Variants in DMD observed in about 807,000 individuals in gnomAD.
DMD encodes the protein dystrophin, also known as mutant dystrophin.
A neutral mutation model predicts 330.1 loss-of-function variants in DMD; 63 were observed. That is an observed-to-expected ratio of 0.19 (90% CI 0.16 to 0.24). The LOEUF (loss-of-function observed/expected upper bound fraction) is 0.24, where lower values mean the gene tolerates loss of function less well. DMD is among the 10% of genes least tolerant of loss of function. The pLI is 1.00. For synonymous variants in DMD, 1,223 were observed against 959.8 expected (o/e 1.27, Z -5.07); for missense variants, 3,344 against 2,684.1 (o/e 1.25, Z -5.43).
intron 7 of DMD, among the ~76,000 whole-genome samples, chrX:32,754,315 T>C (rs1370656187): frequency 9.0e-6 from 1 of 110,902 alleles, no homozygotes; most frequent in Non-Finnish European, 1.9e-5. Context: ...GCCACACAGC[T>C]TTTAAGTAAT....
chrX:33,009,486 ATG>A (rs1439149921), intron 2 of DMD, among the ~76,000 whole-genome samples: 1 of 84,311 alleles, frequency 1.2e-5, no homozygotes, highest in Non-Finnish European at 2.3e-5. Flanking sequence ...GTGTATACAC[ATG>A]TGTGTATATG....
chrX:32,072,696 G>T (rs2096309920), intron 44 of DMD, among the ~76,000 whole-genome samples: 1 of 111,654 alleles, frequency 9.0e-6, no homozygotes, highest in African/African-American at 3.3e-5. Context: ...TGGTGTGCCC[G>T]ATATTCTAGT....
At chrX:32,703,692 G>T (rs1014249715) in intron 7 of DMD, among the ~76,000 whole-genome samples, 1 of 111,298 alleles carries the variant, frequency 9.0e-6, no homozygotes, top group African/African-American at 3.3e-5. Context: ...GATCACCTAA[G>T]TATTTGTTAA....
chrX:32,169,610 T>G (rs1372773283), intron 44 of DMD, among the ~76,000 whole-genome samples: 1 of 111,666 alleles, frequency 9.0e-6, no homozygotes, highest in Non-Finnish European at 1.9e-5. Flanking sequence ...GATAAAGAAA[T>G]GCTGAAGGAG....
At chrX:32,229,109 C>T (rs558235447) in intron 43 of DMD, among the ~76,000 whole-genome samples, 12 of 110,016 alleles carry the variant, frequency 1.1e-4, no homozygotes, top group African/African-American at 4.0e-4. Flanking sequence ...TTTTAAGTGT[C>T]ATTTGAATCA....
intron 1 of DMD, among the ~76,000 whole-genome samples, chrX:33,157,957 C>CA (rs1358894116): frequency 9.0e-6 from 1 of 111,042 alleles, no homozygotes; most frequent in African/African-American, 3.3e-5. Flanking sequence ...AACTCCATCT[C>CA]AAAAAAAGAA....
intron 55 of DMD, among the ~76,000 whole-genome samples, chrX:31,557,095 TAA>T (rs1248241082): frequency 1.8e-5 from 2 of 112,051 alleles, no homozygotes; most frequent in African/African-American, 6.5e-5. Context: ...AATAAAAAGC[TAA>T]AGAGGTTTGA....
rs184396263 is a variant in DMD, at chrX:32,430,392, C to G, written c.4071+7849G>C. Among the ~76,000 whole-genome samples the G allele has an allele frequency of 7.0e-3, 785 of 111,526 alleles. 4 individuals carry two copies. Among genetic ancestry groups the G allele is most frequent in the Middle Eastern group, 0.039 (8 of 206 alleles). On this transcript the variant is annotated intron_variant, in intron 29 of 78. Transcript: ENST00000357033. ...ATATCCTTCATATATTACTCCATCT[C>G]CATTTCTCAAAAAAATTATGACATA... is the stretch of plus-strand genomic sequence containing the variant.
Position 33,078,088 on chromosome X carries a change from C to T in DMD, c.32-57888G>A, listed in dbSNP as rs1371810741. On this transcript the variant is annotated intron_variant, in intron 1 of 78. Transcript: ENST00000357033. ...GCCGAGCCCAGCCATGGGTTTGTAC[C>T]CTCAAATACCTATGAGTTGACCAAA... 5.4e-5 allele frequency among the ~76,000 whole-genome samples: 6 copies of T among 111,255 alleles called. No individual in the cohort carries two copies. The Admixed American group carries it at 5.7e-4, about 11-fold the overall frequency.
intron 2 of DMD, among the ~76,000 whole-genome samples, chrX:32,959,107 G>A (rs1302518943): frequency 9.0e-6 from 1 of 111,678 alleles, no homozygotes; most frequent in East Asian, 2.8e-4. Context: ...AAGTATATTA[G>A]GAAGGTAATA....
chrX:32,182,718 CAG>C (rs1014332945), intron 44 of DMD, among the ~76,000 whole-genome samples: 6 of 111,463 alleles, frequency 5.4e-5, no homozygotes, highest in African/African-American at 2.0e-4. Context: ...CATCAGTAAA[CAG>C]AAAAAAACAG....
At chrX:32,923,823 A>C (rs1345483914) in intron 2 of DMD, among the ~76,000 whole-genome samples, 1 of 111,711 alleles carries the variant, frequency 9.0e-6, no homozygotes, top group Non-Finnish European at 1.9e-5. Context: ...GTAACGTCTC[A>C]TTGTAAAATA....
intron 1 of DMD, among the ~76,000 whole-genome samples, chrX:33,199,096 T>C (rs2051122570): frequency 9.0e-6 from 1 of 111,299 alleles, no homozygotes; most frequent in African/African-American, 3.3e-5. Context: ...TTTGTTTTGT[T>C]TGGCTTTCCT....
intron 74 of DMD, among the ~76,000 whole-genome samples, chrX:31,169,048 CCTA>C (rs1169250368): frequency 9.0e-6 from 1 of 111,185 alleles, no homozygotes; most frequent in Non-Finnish European, 1.9e-5. Flanking sequence ...AGCCAATAAC[CCTA>C]CTTTCTTAAA....
At chrX:32,189,381 A>AAAC (rs2096961858) in intron 44 of DMD, among the ~76,000 whole-genome samples, 1 of 110,149 alleles carries the variant, frequency 9.1e-6, no homozygotes, top group Admixed American at 9.7e-5. Flanking sequence ...AAAAAAAAAA[A>AAAC]AAACAACTTT....
rs1297134291 is a variant in DMD, at chrX:32,072,838, C to G, written c.6439-104324G>C. Among the ~76,000 whole-genome samples, 7 of 111,548 alleles carry G rather than the reference C, an allele frequency of 6.3e-5. No homozygotes were observed. In the Admixed American group the frequency reaches 6.7e-4, roughly 11 times the overall value. On this transcript the variant is annotated intron_variant, in intron 44 of 78. Transcript: ENST00000357033. The stretch of plus-strand genomic sequence containing the variant: ...TTCCTTTAACATCTAGTTTTATTTT[C>G]TTAATGCTTTGTCATTTTGTTAGTA...
intron 10 of DMD, 41 bp from the exon 11 acceptor site, chrX:32,644,354 G>A: frequency 8.5e-7 from 1 of 1,174,721 alleles, no homozygotes; most frequent in African/African-American, 1.8e-5. Context: ...TAGAACTCTA[G>A]GTAAATCGGT....
chrX:32,939,331 C>G (rs1282913376), intron 2 of DMD, among the ~76,000 whole-genome samples: 1 of 109,149 alleles, frequency 9.2e-6, no homozygotes, highest in Non-Finnish European at 1.9e-5. Flanking sequence ...CTAAGAAACA[C>G]TAATGACCAA....
chrX:32,295,446 T>C (rs1352332585), intron 42 of DMD, among the ~76,000 whole-genome samples: 1 of 112,459 alleles, frequency 8.9e-6, no homozygotes, highest in African/African-American at 3.2e-5. Context: ...TTTATCTGTT[T>C]GAAAAGCTTA....
Sources: allele counts gnomAD v4.1 joint callset (sites outside exome capture counted in the v4.1 genomes callset), GRCh38; gene constraint gnomAD v4.1.1; transcripts MANE v1.5; gene names NCBI Gene and HGNC (gene_info 2026-07-23, HGNC 2026-07-21).